Variants in PPP1R9A observed in about 807,000 individuals in gnomAD.
The protein encoded by PPP1R9A is protein phosphatase 1 regulatory subunit 9A.
Under a neutral mutation model 141.9 loss-of-function variants are expected in PPP1R9A, and 59 were observed. That is an observed-to-expected ratio of 0.42 (90% CI 0.34 to 0.52). PPP1R9A has a LOEUF of 0.52. Ranked by LOEUF, PPP1R9A falls within the 20% of genes least tolerant of loss-of-function variation. The probability of loss-of-function intolerance (pLI) is 0.10; values close to 1 mark genes in which losing one functional copy is unlikely to be tolerated. For synonymous variants in PPP1R9A, 500 were observed against 569.7 expected (o/e 0.88, Z 1.74); for missense variants, 1,444 against 1,611.9 (o/e 0.90, Z 1.78).
intron 2 of PPP1R9A, among the ~76,000 whole-genome samples, chr7:94,915,750 T>C (rs965917186): frequency 2.6e-5 from 4 of 152,162 alleles, no homozygotes; most frequent in Admixed American, 6.5e-5. Context: ...TCCCCATTAA[T>C]GATGTGGTTA....
At chr7:95,268,821 C>A in intron 13 of PPP1R9A, 114 bp downstream of exon 13, 1 of 1,242,102 alleles carries the variant, frequency 8.1e-7, no homozygotes, top group Non-Finnish European at 1.1e-6. Flanking sequence ...AGTTGGTAAG[C>A]AGCTAGAATA....
At chr7:95,105,868 G>A (rs1199518533) in intron 2 of PPP1R9A, among the ~76,000 whole-genome samples, 1 of 152,138 alleles carries the variant, frequency 6.6e-6, no homozygotes, top group Non-Finnish European at 1.5e-5. Flanking sequence ...TGGGGATTTT[G>A]GCAGCCTAAT....
At chr7:95,027,450 A>C (rs1450076586) in intron 2 of PPP1R9A, among the ~76,000 whole-genome samples, 1 of 152,042 alleles carries the variant, frequency 6.6e-6, no homozygotes, top group African/African-American at 2.4e-5. Context: ...TGAGCTGTGT[A>C]CCTCGGTTGG....
intron 2 of PPP1R9A, among the ~76,000 whole-genome samples, chr7:94,919,098 C>T (rs567817580): frequency 7.2e-5 from 11 of 152,132 alleles, no homozygotes; most frequent in Non-Finnish European, 1.6e-4. Flanking sequence ...AATTGCTACA[C>T]ATGAAGCATG....
rs144316303 is a variant in PPP1R9A at position 95,271,996 on chromosome 7, C to A, written c.3125-1903C>A. On this transcript the variant is annotated intron_variant, in intron 14 of 19. Coordinates refer to ENST00000433360, the MANE Select transcript of PPP1R9A (RefSeq NM_001166160.2). Reference sequence around the variant, plus strand: ...CTTAACATCTTCAGCCCTATGGAAGCATTCATTTCAGTGTTCCTGGGAACG... The same window carrying A: ...CTTAACATCTTCAGCCCTATGGAAGAATTCATTTCAGTGTTCCTGGGAACG... Among the ~76,000 whole-genome samples, 4 of 152,254 alleles carry A rather than the reference C, an allele frequency of 2.6e-5. No homozygotes were observed. The East Asian group carries it at 7.7e-4, about 29-fold the overall frequency.
At chr7:95,160,608 A>G (rs1830336980) in intron 4 of PPP1R9A, among the ~76,000 whole-genome samples, 2 of 151,766 alleles carry the variant, frequency 1.3e-5, no homozygotes, top group Non-Finnish European at 2.9e-5. Flanking sequence ...TTGGGATATG[A>G]ATGATCCTGT....
At chr7:95,128,973 T>C (rs7787311) in intron 4 of PPP1R9A, among the ~76,000 whole-genome samples, 1,717 of 152,310 alleles carry the variant, frequency 0.011, 34 homozygotes, top group African/African-American at 0.037. Context: ...ATGATTCTTA[T>C]AGTTTGAGGT....
intron 2 of PPP1R9A, among the ~76,000 whole-genome samples, chr7:95,108,302 C>CGTTTCTTTTTTT (rs1204011323): frequency 1.9e-4 from 13 of 68,758 alleles, no homozygotes; most frequent in African/African-American, 2.7e-4. Flanking sequence ...TTTTTCGTTT[C>CGTTTCTTTTTTT]TTTTCTTTTT....
At position 95,099,134 on chromosome 7, in the gene PPP1R9A, A is replaced by G. The variant is rs548753914; in HGVS notation, c.1396-12125A>G. ...TGGCAGTTGTAGTAAAAGAAGCAGG[A>G]AGGACCAACTGCTGAGACACATGCT... On this transcript the variant is annotated intron_variant, in intron 2 of 19. Coordinates refer to ENST00000433360, the MANE Select transcript of PPP1R9A (RefSeq NM_001166160.2). Among the ~76,000 whole-genome samples the G allele has an allele frequency of 3.2e-4, 49 of 152,358 alleles. No homozygotes were observed. The East Asian group carries it at 9.3e-3, about 29-fold the overall frequency.
intron 2 of PPP1R9A, among the ~76,000 whole-genome samples, chr7:95,056,931 C>T (rs902901761): frequency 1.3e-5 from 2 of 152,042 alleles, no homozygotes; most frequent in African/African-American, 4.8e-5. Flanking sequence ...CTTCACTAAA[C>T]TTTGTTAGAC....
chr7:95,244,741 C>A (rs1453921904), intron 8 of PPP1R9A, among the ~76,000 whole-genome samples: 2 of 152,108 alleles, frequency 1.3e-5, no homozygotes, highest in African/African-American at 2.4e-5. Flanking sequence ...GCACATTTAA[C>A]TGAGAGGTGA....
At chr7:95,274,667 T>G (rs954305641) in intron 16 of PPP1R9A, among the ~76,000 whole-genome samples, 4 of 152,220 alleles carry the variant, frequency 2.6e-5, no homozygotes, top group Admixed American at 6.5e-5. Flanking sequence ...CTGTCAACTA[T>G]GCTTAGTCTT....
At chr7:95,057,405 C>T (rs1811649762) in intron 2 of PPP1R9A, among the ~76,000 whole-genome samples, 1 of 152,010 alleles carries the variant, frequency 6.6e-6, no homozygotes, top group Admixed American at 6.6e-5. Flanking sequence ...TAGTAACTAC[C>T]TTGTTTTTAA....
intron 2 of PPP1R9A, among the ~76,000 whole-genome samples, chr7:95,091,034 C>CT (rs1222651088): frequency 2.6e-5 from 4 of 151,922 alleles, no homozygotes; most frequent in Non-Finnish European, 4.4e-5. Flanking sequence ...CAATGTACCA[C>CT]TTCTTTAACC....
intron 12 of PPP1R9A, among the ~76,000 whole-genome samples, chr7:95,258,704 G>A (rs964540727): frequency 4.6e-5 from 7 of 151,988 alleles, no homozygotes; most frequent in Admixed American, 3.9e-4. Flanking sequence ...TGGGCAAAAC[G>A]CATAAGAAGT....
At chr7:94,985,161 C>G (rs1169546737) in intron 2 of PPP1R9A, among the ~76,000 whole-genome samples, 1 of 152,094 alleles carries the variant, frequency 6.6e-6, no homozygotes, top group African/African-American at 2.4e-5. Context: ...GTTTCTTAAC[C>G]CTGAGTTCTA....
At chr7:95,205,414 A>G (rs1790570311) in intron 7 of PPP1R9A, among the ~76,000 whole-genome samples, 1 of 152,236 alleles carries the variant, frequency 6.6e-6, no homozygotes, top group African/African-American at 2.4e-5. Flanking sequence ...CAATATTACA[A>G]TGATGAAACA....
At chr7:95,111,792 G>A (rs1188980819) in intron 3 of PPP1R9A, among the ~76,000 whole-genome samples, 1 of 152,082 alleles carries the variant, frequency 6.6e-6, no homozygotes, top group Non-Finnish European at 1.5e-5. Context: ...AAAGGCGGTA[G>A]AATCCAAGGA....
chr7:95,089,228 T>G lies in PPP1R9A; in HGVS notation c.1396-22031T>G, dbSNP rs560916514. ...TACTTTACAATGACTACTACCACTTTTACACATTTCTTTTCAAATGCTTTT... is the reference window on the plus strand; with the variant it reads ...TACTTTACAATGACTACTACCACTTGTACACATTTCTTTTCAAATGCTTTT... On this transcript the variant is annotated intron_variant, in intron 2 of 19. Coordinates refer to ENST00000433360, the MANE Select transcript of PPP1R9A (RefSeq NM_001166160.2). Among the ~76,000 whole-genome samples, 24 of 152,218 alleles carry G rather than the reference T, an allele frequency of 1.6e-4. 1 individual carries two copies. The South Asian group carries it at 4.8e-3, about 30-fold the overall frequency.
Sources: allele counts gnomAD v4.1 joint callset (sites outside exome capture counted in the v4.1 genomes callset), GRCh38; gene constraint gnomAD v4.1.1; transcripts MANE v1.5; gene names NCBI Gene and HGNC (gene_info 2026-07-23, HGNC 2026-07-21).